The following CDH13 variants were observed in gnomAD, a reference collection of about 807,000 sequenced individuals.
The protein encoded by CDH13 is cadherin-13.
CDH13 carries 24 observed loss-of-function variants against 63.8 expected under a neutral mutation model. The observed-to-expected ratio is 0.38, with a 90% CI of 0.27 to 0.53. The LOEUF (loss-of-function observed/expected upper bound fraction) is 0.53, where lower values mean the gene tolerates loss of function less well. Among genes scored for constraint, CDH13 ranks in the 20% least tolerant of loss-of-function variants. CDH13 has a pLI of 0.85. For synonymous variants in CDH13, 503 were observed against 355.3 expected (o/e 1.42, Z -4.67); for missense variants, 1,049 against 903.1 (o/e 1.16, Z -2.07).
chr16:83,667,275 A>G (rs370540025), intron 8 of CDH13, among the ~76,000 whole-genome samples: 11 of 152,316 alleles, frequency 7.2e-5, no homozygotes, highest in African/African-American at 2.4e-4. Flanking sequence ...CTAAAAAGGT[A>G]TTCTATACCA....
rs546306753 is a variant in CDH13, at chr16:82,734,090, A to G, written c.45+106953A>G. Among the ~76,000 whole-genome samples, 3 of 152,344 alleles carry G rather than the reference A, an allele frequency of 2.0e-5. No homozygotes were observed. In the East Asian group the frequency reaches 5.8e-4, roughly 29 times the overall value. On this transcript the variant is annotated intron_variant, in intron 1 of 13. Transcript: ENST00000567109. ...CAGAAGGAAGAAAGTGTTTGAGTTG[A>G]GACCTGAAGGAGGTGCAGGAACCAC... is the stretch of plus-strand genomic sequence containing the variant.
At chr16:82,772,633 G>C (rs1336435458) in intron 1 of CDH13, among the ~76,000 whole-genome samples, 4 of 152,192 alleles carry the variant, frequency 2.6e-5, no homozygotes, top group Admixed American at 6.5e-5. Flanking sequence ...TGAGCTAGAT[G>C]CTTTACTTTG....
chr16:83,568,282 T>C lies in CDH13; in HGVS notation c.961-34172T>C, dbSNP rs144300240. 7.0e-3 allele frequency among the ~76,000 whole-genome samples: 1,060 copies of C among 152,306 alleles called. 9 individuals are homozygous for C. Among genetic ancestry groups the C allele is most frequent in the Non-Finnish European group, 0.01 (690 of 68,024 alleles). On this transcript the variant is annotated intron_variant, in intron 7 of 13. Coordinates refer to ENST00000567109, the MANE Select transcript of CDH13 (RefSeq NM_001257.5). ...GCCACGAGTTTGGCCTTTAAAAATA[T>C]TAATTTCTTATAAAGATGAACTGGA...
intron 4 of CDH13, among the ~76,000 whole-genome samples, chr16:83,179,038 T>G (rs1368932609): frequency 1.3e-5 from 2 of 152,184 alleles, no homozygotes; most frequent in African/African-American, 4.8e-5. Flanking sequence ...CATGTATGCA[T>G]TAAGCCTCAA....
intron 5 of CDH13, among the ~76,000 whole-genome samples, chr16:83,269,322 A>G (rs1020532342): frequency 1.3e-5 from 2 of 152,224 alleles, no homozygotes; most frequent in Admixed American, 6.5e-5. Context: ...GCTTTGTATT[A>G]CAAAACTTCA....
chr16:83,567,707 T>C lies in CDH13; in HGVS notation c.961-34747T>C, dbSNP rs1273301125. Among the ~76,000 whole-genome samples the C allele has an allele frequency of 2.6e-5, 4 of 152,162 alleles. No individual in the cohort carries two copies. In the East Asian group the frequency reaches 5.8e-4, roughly 22 times the overall value. On this transcript the variant is annotated intron_variant, in intron 7 of 13. Transcript: ENST00000567109. ...GCCTCCTGGGTTCACGCTATTCTCCTGTCTCAGCCTCCTGAATAGCTGGCA... is the reference window on the plus strand; with the variant it reads ...GCCTCCTGGGTTCACGCTATTCTCCCGTCTCAGCCTCCTGAATAGCTGGCA...
chr16:83,448,522 T>C (rs1460601462), intron 6 of CDH13, among the ~76,000 whole-genome samples: 2 of 152,314 alleles, frequency 1.3e-5, no homozygotes, highest in Non-Finnish European at 2.9e-5. Flanking sequence ...AAAGCAGCAC[T>C]ATGATAGGGG....
At chr16:83,295,792 A>C (rs2089578995) in intron 5 of CDH13, among the ~76,000 whole-genome samples, 1 of 152,292 alleles carries the variant, frequency 6.6e-6, no homozygotes, top group South Asian at 2.1e-4. Context: ...TAGAACTATC[A>C]TATGATTCAA....
chr16:83,677,814 G>T (rs183687696), intron 9 of CDH13, among the ~76,000 whole-genome samples: 2 of 152,166 alleles, frequency 1.3e-5, no homozygotes, highest in East Asian at 3.9e-4. Context: ...CAGGTTCCAG[G>T]CAGGGAGGCT....
chr16:83,050,195 C>T lies in CDH13; in HGVS notation c.366+17977C>T, dbSNP rs1410111431. Among the ~76,000 whole-genome samples the T allele has an allele frequency of 2.6e-5, 4 of 152,158 alleles. No homozygotes were observed. The East Asian group carries it at 7.7e-4, about 29-fold the overall frequency. On this transcript the variant is annotated intron_variant, in intron 3 of 13. Coordinates refer to ENST00000567109, the MANE Select transcript of CDH13 (RefSeq NM_001257.5). Reference sequence around the variant, plus strand: ...CCAGACCCGGGCCTCCTTCTGCCTACTGTCGCCATAACTCTAGTTATAACT... The same window carrying T: ...CCAGACCCGGGCCTCCTTCTGCCTATTGTCGCCATAACTCTAGTTATAACT...
At chr16:82,848,723 C>T (rs535474236) in intron 1 of CDH13, among the ~76,000 whole-genome samples, 1 of 152,256 alleles carries the variant, frequency 6.6e-6, no homozygotes, top group Admixed American at 6.5e-5. Flanking sequence ...TGAAACACAG[C>T]AATATTGAAG....
At chr16:82,866,302 G>A (rs577416975) in intron 2 of CDH13, among the ~76,000 whole-genome samples, 1 of 149,970 alleles carries the variant, frequency 6.7e-6, no homozygotes, top group Non-Finnish European at 1.5e-5. Flanking sequence ...TCATTTTTGG[G>A]TATCCTTATA....
At chr16:83,738,043 A>T (rs1016213418) in intron 10 of CDH13, among the ~76,000 whole-genome samples, 2 of 152,268 alleles carry the variant, frequency 1.3e-5, no homozygotes, top group African/African-American at 4.8e-5. Flanking sequence ...GTGCGCTTCC[A>T]GTTGTAGACA....
At chr16:83,465,705 G>A (rs571153650) in intron 6 of CDH13, among the ~76,000 whole-genome samples, 1 of 152,326 alleles carries the variant, frequency 6.6e-6, no homozygotes, top group African/African-American at 2.4e-5. Context: ...GTCTGTGCAT[G>A]TCCTTGTGAG....
At chr16:83,584,814 T>A (rs1210541274) in intron 7 of CDH13, among the ~76,000 whole-genome samples, 5 of 152,218 alleles carry the variant, frequency 3.3e-5, no homozygotes, top group Non-Finnish European at 2.9e-5. Context: ...GGCATCTGCA[T>A]TGCTTCTGAT....
chr16:83,141,559 G>T (rs1299799382), intron 4 of CDH13, among the ~76,000 whole-genome samples: 1 of 152,142 alleles, frequency 6.6e-6, no homozygotes, highest in African/African-American at 2.4e-5. Flanking sequence ...GTGCAGGTTT[G>T]TTACATAGGT....
rs138469317 is a variant in CDH13, at chr16:83,572,269, C to G, written c.961-30185C>G. ...TGGCGTGATCTTAGCTCATTGCAAT[C>G]TCTGCCTCCTGGGTTCAGGCGATTC... On this transcript the variant is annotated intron_variant, in intron 7 of 13. Coordinates refer to ENST00000567109, the MANE Select transcript of CDH13 (RefSeq NM_001257.5). 3.6e-3 allele frequency among the ~76,000 whole-genome samples: 538 copies of G among 151,292 alleles called. 2 individuals are homozygous for G. The highest frequency in any genetic ancestry group is 0.013 in the African/African-American group (522 of 41,348).
chr16:83,010,155 AAAAAAAAC>A (rs1376973169), intron 2 of CDH13, among the ~76,000 whole-genome samples: 3 of 130,450 alleles, frequency 2.3e-5, no homozygotes, highest in Middle Eastern at 3.8e-3. Context: ...AAAAAAAAAA[AAAAAAAAC>A]AAGAATGGCT....
rs2091304036 is a variant in CDH13, at chr16:83,368,883, G to GA, written c.781+23877_781+23878insA. ...TTATGGCTGAGTAGTAGTATTCCAT[G>GA]TTATATATATATATATATATATATA... On this transcript the variant is annotated intron_variant, in intron 6 of 13. Transcript: ENST00000567109. Among the ~76,000 whole-genome samples the GA allele has an allele frequency of 1.5e-3, 39 of 25,328 alleles. 1 individual carries two copies. The highest frequency in any genetic ancestry group is 3.3e-3 in the African/African-American group (32 of 9,816). The allele number at this position is 25,328 out of a possible 152,430, so 16.6% of individuals were successfully genotyped here. A position where few individuals can be genotyped will look rare whatever the true frequency, so the allele number is the denominator to read the frequency against.
Sources: gnomAD v4.1 joint callset for allele counts (sites outside exome capture counted in the v4.1 genomes callset) on GRCh38, gnomAD v4.1.1 for gene constraint, MANE v1.5 for transcripts, NCBI Gene and HGNC (gene_info 2026-07-23, HGNC 2026-07-21) for gene names.